The following DNAH2 variants were observed in gnomAD, a reference collection of about 807,000 sequenced individuals.
DNAH2 encodes dynein axonemal heavy chain 2, also known as axonemal beta dynein heavy chain 2.
DNAH2 carries 323 observed loss-of-function variants against 523.5 expected under a neutral mutation model. That is an observed-to-expected ratio of 0.62 (90% CI 0.56 to 0.68). DNAH2 has a LOEUF of 0.68. Among genes scored for constraint, DNAH2 ranks in the 30% least tolerant of loss-of-function variants. The pLI is 0.00. For synonymous variants in DNAH2, 2,093 were observed against 2,177.4 expected (o/e 0.96, Z 1.08); for missense variants, 4,907 against 5,701.5 (o/e 0.86, Z 4.49).
intron 42 of DNAH2, 99 bp from the exon 43 acceptor site, chr17:7,787,761 C>T (rs887456034): frequency 1.1e-5 from 12 of 1,126,938 alleles, no homozygotes; most frequent in East Asian, 2.6e-5. Flanking sequence ...AAAAGCAAAT[C>T]GTTTGTGAAC....
At chr17:7,812,686 C>T (rs1006804240) in intron 63 of DNAH2, among the ~76,000 whole-genome samples, 2 of 147,028 alleles carry the variant, frequency 1.4e-5, no homozygotes, top group South Asian at 2.2e-4. Flanking sequence ...TCTGGGAGGC[C>T]GAGGTGTGCG....
At chr17:7,830,583 C>A in intron 78 of DNAH2, 75 bp from the exon 79 acceptor site, 1 of 1,606,906 alleles carries the variant, frequency 6.2e-7, no homozygotes, top group Non-Finnish European at 8.5e-7. Flanking sequence ...GGACACAAAG[C>A]CTGTGTTGAA....
rs1567647265 is a variant in DNAH2 at position 7,757,177 on chromosome 17, G to A, written c.1991G>A (p.Arg664Gln). Residue 664 changes from arginine to glutamine, a missense_variant, in exon 13 of 86, where the codon CGA becomes CAA. Coordinates refer to ENST00000572933, the MANE Select transcript of DNAH2 (RefSeq NM_020877.5). ...CATTACGTGGTGAACGTAGCTGAGC[G>A]AGCCGAGGACCTGCGCATTCTGCGT... ...TPHYVVNVAERAEDLRILREN... is the reference protein window; with the variant it reads ...TPHYVVNVAEQAEDLRILREN... 6.2e-7 allele frequency: 1 copy of A among 1,614,072 alleles called. No homozygotes were observed. Among genetic ancestry groups the A allele is most frequent in the African/African-American group, 1.3e-5 (1 of 74,930 alleles).
chr17:7,801,779 G>T (rs989619589), intron 57 of DNAH2, 69 bp downstream of exon 57: 3 of 1,606,072 alleles, frequency 1.9e-6, no homozygotes, highest in South Asian at 2.2e-5. Flanking sequence ...ATCTCTCATC[G>T]CACCCCCGGC....
chr17:7,756,870 C>T (rs2075855367), intron 12 of DNAH2, among the ~76,000 whole-genome samples: 1 of 151,846 alleles, frequency 6.6e-6, no homozygotes, highest in Non-Finnish European at 1.5e-5. Context: ...GGGATTCCCC[C>T]GTGTTGGCCA....
rs2075963951 is a variant in DNAH2 at position 7,760,121 on chromosome 17, A to C, written c.2785+183A>C. Among the ~76,000 whole-genome samples the C allele has an allele frequency of 6.6e-6, 1 of 152,140 alleles. No homozygotes were observed. The highest frequency in any genetic ancestry group is 1.5e-5 in the Non-Finnish European group (1 of 68,006). On this transcript the variant is annotated intron_variant, in intron 17 of 85. Coordinates refer to ENST00000572933, the MANE Select transcript of DNAH2 (RefSeq NM_020877.5). This position sits in a 1 kb window ranked among gnomAD's most constrained non-coding sequence, Gnocchi z 4.0. ...AGTGGCTTGTGCCTGTAATCCCAGC[A>C]CTTTGGGAGGCTGAGGCAGGCAGGT...
At position 7,765,467 on chromosome 17, in the gene DNAH2, T is replaced by A; in HGVS notation, c.3413T>A (p.Leu1138Gln). The change falls in exon 21 of 86, where the codon CTG (leucine) becomes CAG (glutamine). Residue 1138 changes from leucine to glutamine, a missense_variant. This residue lies in a region of DNAH2 where 2,806 missense variants were observed against 3,190.8 expected (regional missense o/e 0.88). Coordinates refer to ENST00000572933, the MANE Select transcript of DNAH2 (RefSeq NM_020877.5). ...QQTLLDSKQM[L>Q]KKHKEKFKTG... ...ACTCTGCTGGACAGTAAGCAAATGC[T>A]GAAGAAACACAAGGAGAAATTCAAG... The A allele has an allele frequency of 6.2e-7, 1 of 1,614,250 alleles. No homozygotes were observed. The highest frequency in any genetic ancestry group is 2.2e-5 in the East Asian group (1 of 44,886).
intron 28 of DNAH2, 29 bp downstream of exon 28, chr17:7,771,497 A>G (rs1407605667): frequency 1.2e-6 from 2 of 1,612,208 alleles, no homozygotes; most frequent in Non-Finnish European, 1.7e-6. Flanking sequence ...CTGCCCTGAC[A>G]CAGCCTCGGC....
chr17:7,761,905 A>G (rs1193372548), intron 18 of DNAH2, among the ~76,000 whole-genome samples: 1 of 148,676 alleles, frequency 6.7e-6, no homozygotes, highest in Admixed American at 6.6e-5. Flanking sequence ...ATGAGGAGTT[A>G]AGAAAAAAAA....
intron 22 of DNAH2, among the ~76,000 whole-genome samples, chr17:7,767,575 A>G (rs1335215823): frequency 1.4e-5 from 2 of 143,562 alleles, no homozygotes; most frequent in Non-Finnish European, 3.0e-5. Context: ...AAGTCTCCCT[A>G]TTTCTCCATA....
At chr17:7,787,791 G>A (rs961851207) in intron 42 of DNAH2, 69 bp from the exon 43 acceptor site, 2 of 1,510,686 alleles carry the variant, frequency 1.3e-6, no homozygotes, top group African/African-American at 2.8e-5. Context: ...CCGAGTTCCG[G>A]GTGTTTTATT....
chr17:7,787,155 G>T (rs1567697661), intron 42 of DNAH2, 122 bp downstream of exon 42: 4 of 1,271,884 alleles, frequency 3.1e-6, no homozygotes, highest in Admixed American at 5.2e-5. Context: ...AGAGCTGAAA[G>T]GTGGATGCCT....
chr17:7,767,007 A>G (rs994569641), intron 22 of DNAH2, among the ~76,000 whole-genome samples: 5 of 151,978 alleles, frequency 3.3e-5, no homozygotes, highest in East Asian at 1.9e-4. Flanking sequence ...TACCACATCT[A>G]TCTAATTCCC....
Position 7,767,935 on chromosome 17 carries a change from A to T in DNAH2, c.3711A>T (p.Ala1237=), listed in dbSNP as rs780549836. ...CCCTCCAGCAAATCTGGGAGATCGC[A>T]CGAGACTGGGAGGAGAACTGGAATG... ...LDALQQIWEI[A]RDWEENWNEW... is the part of the protein sequence containing the mutation. The change falls in exon 23 of 86, where the codon GCA becomes GCT. Residue 1237 remains alanine, a synonymous_variant. Transcript: ENST00000572933. 3.1e-6 allele frequency: 5 copies of T among 1,614,066 alleles called. No homozygotes were observed. The highest frequency in any genetic ancestry group is 4.2e-6 in the Non-Finnish European group (5 of 1,179,948).
Position 7,760,831 on chromosome 17 carries a change from G to T in DNAH2, c.2877G>T (p.Trp959Cys), listed in dbSNP as rs2075983993. The T allele has an allele frequency of 6.2e-7, 1 of 1,614,036 alleles. No homozygotes were observed. Among genetic ancestry groups the T allele is most frequent in the South Asian group, 1.1e-5 (1 of 91,078 alleles). ...ASLLQNYLKTWDMYREIWEIN... is the reference protein window; with the variant it reads ...ASLLQNYLKTCDMYREIWEIN... ...TGCTGCAGAACTACCTCAAGACCTG[G>T]GACATGTACCGGGAGATCTGGGAGA... The change falls in exon 18 of 86, where the codon TGG becomes TGT. Residue 959 changes from tryptophan to cysteine, a missense_variant. Physicochemically the swap from Trp to Cys is radical, Grantham distance 215 (BLOSUM62 -2). Transcript: ENST00000572933. The surrounding 1 kb of genome is among the most constrained non-coding windows in gnomAD (Gnocchi z 4.0).
At chr17:7,805,443 T>G in intron 61 of DNAH2, 50 bp downstream of exon 61, 11 of 1,611,108 alleles carry the variant, frequency 6.8e-6, no homozygotes, top group Non-Finnish European at 9.3e-6. Context: ...CAGTGTTTAT[T>G]GATCGTCGGC....
At chr17:7,829,330 T>C (rs897509697) in intron 77 of DNAH2, among the ~76,000 whole-genome samples, 1 of 152,124 alleles carries the variant, frequency 6.6e-6, no homozygotes, top group African/African-American at 2.4e-5. Context: ...ATTACTCTTA[T>C]TGCATCTCCA....
chr17:7,739,607 CTT>C (rs551740624), intron 8 of DNAH2, 124 bp from the exon 9 acceptor site: 3,120 of 709,488 alleles, frequency 4.4e-3, no homozygotes, highest in South Asian at 7.3e-3. Context: ...TTTTCTTCTT[CTT>C]TTTTTTTTTT....
At position 7,791,997 on chromosome 17, in the gene DNAH2, C is replaced by T. The variant is rs750225986; in HGVS notation, c.6981C>T (p.Ala2327=). ...FVFSMIWSVC[A]SVDEEGRKRI... Reference sequence around the variant, plus strand: ...TCAGCATGATCTGGTCTGTGTGTGCCTCTGTGGATGAGGAGGGCCGGAAGA... The same window carrying T: ...TCAGCATGATCTGGTCTGTGTGTGCTTCTGTGGATGAGGAGGGCCGGAAGA... The change falls in exon 45 of 86, where the codon GCC becomes GCT. Residue 2327 remains alanine, a synonymous_variant. Coordinates refer to ENST00000572933, the MANE Select transcript of DNAH2 (RefSeq NM_020877.5). 1 of 1,614,108 alleles carries T rather than the reference C, an allele frequency of 6.2e-7. No homozygotes were observed. The highest frequency in any genetic ancestry group is 8.5e-7 in the Non-Finnish European group (1 of 1,180,022).
Sources: gnomAD v4.1 joint callset for allele counts (sites outside exome capture counted in the v4.1 genomes callset) on GRCh38, gnomAD v4.1.1 for gene constraint, gnomAD v4.1.1 regional missense constraint, Gnocchi (gnomAD v3.1) non-coding constraint, MANE v1.5 for transcripts, NCBI Gene and HGNC (gene_info 2026-07-23, HGNC 2026-07-21) for gene names.